The following SH3PXD2A variants were observed in gnomAD, a reference collection of about 807,000 sequenced individuals.
SH3PXD2A encodes SH3 and PX domains 2A, also known as SH3 and PX domain-containing protein 2A.
In SH3PXD2A, 32 loss-of-function variants were observed where a neutral mutation model predicts 115.2. That is an observed-to-expected ratio of 0.28 (90% CI 0.21 to 0.37). The LOEUF is 0.37. SH3PXD2A is among the 10% of genes least tolerant of loss of function. The probability of loss-of-function intolerance (pLI) is 1.00; values close to 1 mark genes in which losing one functional copy is unlikely to be tolerated. For missense variants in SH3PXD2A, 1,328 were observed against 1,498.7 expected, an observed-to-expected ratio of 0.89 and a Z score of 1.88; for synonymous variants, 610 against 629.1, an observed-to-expected ratio of 0.97 and a Z score of 0.45.
chr10:103,741,165 A>G (rs2038440287), intron 3 of SH3PXD2A, among the ~76,000 whole-genome samples: 1 of 152,224 alleles, frequency 6.6e-6, no homozygotes, highest in African/African-American at 2.4e-5. Flanking sequence ...GCAGCTGTGC[A>G]AAGCTCTGGA....
At chr10:103,776,413 AGT>A (rs1350933866) in intron 2 of SH3PXD2A, among the ~76,000 whole-genome samples, 2 of 140,678 alleles carry the variant, frequency 1.4e-5, no homozygotes, top group East Asian at 2.1e-4. Context: ...AAAAAAAAAA[AGT>A]GTGTGCATGC....
intron 5 of SH3PXD2A, 166 bp from the exon 6 acceptor site, chr10:103,693,222 G>T (rs1264016800): frequency 1.7e-5 from 3 of 175,158 alleles, no homozygotes; most frequent in Non-Finnish European, 3.4e-5. Context: ...CGCACTGCGC[G>T]CCGCGCCCGC....
Position 103,603,222 on chromosome 10 carries a change from A to G in SH3PXD2A, c.1996T>C (p.Ser666Pro), listed in dbSNP as rs754002774. Residue 666 changes from serine to proline, a missense_variant, in exon 15 of 15, where the codon TCA (serine) becomes CCA (proline). Around this residue, in one of 5 missense-constraint regions of SH3PXD2A, gnomAD observed 574 missense variants for 565.7 expected, o/e 1.01. Transcript: ENST00000369774. ...TCTGCCTTGAGCTTTAGGAGTGATGATGACTTGGGGGAGCCTGATTTGGGG... is the reference window on the plus strand; with the variant it reads ...TCTGCCTTGAGCTTTAGGAGTGATGGTGACTTGGGGGAGCCTGATTTGGGG... ...NSPKSGSPKSSSLLKLKAEKN... is the reference protein window; with the variant it reads ...NSPKSGSPKSPSLLKLKAEKN... 1 of 1,614,022 alleles carries G rather than the reference A, an allele frequency of 6.2e-7. No homozygotes were observed. The highest frequency in any genetic ancestry group is 8.5e-7 in the Non-Finnish European group (1 of 1,180,042).
chr10:103,641,040 C>T (rs947075074), intron 8 of SH3PXD2A, among the ~76,000 whole-genome samples: 1 of 152,150 alleles, frequency 6.6e-6, no homozygotes, highest in Non-Finnish European at 1.5e-5. Flanking sequence ...GACAGAGACA[C>T]AGTACTGGCA....
At chr10:103,607,977 A>T (rs1213957875) in intron 13 of SH3PXD2A, among the ~76,000 whole-genome samples, 1 of 150,738 alleles carries the variant, frequency 6.6e-6, no homozygotes, top group Non-Finnish European at 1.5e-5. Context: ...AGTCATCACC[A>T]CTCCCTAATC....
chr10:103,608,430 GAAAAAA>G lies in SH3PXD2A; in HGVS notation c.1309-2519_1309-2514del, dbSNP rs953168200. Among the ~76,000 whole-genome samples the G allele has an allele frequency of 1.1e-3, 90 of 85,328 alleles. 1 individual carries two copies. Among genetic ancestry groups the G allele is most frequent in the East Asian group, 1.3e-3 (4 of 3,200 alleles). The allele number at this position is 85,328 out of a possible 152,430, so 56.0% of individuals were successfully genotyped here. On this transcript the variant is annotated intron_variant, in intron 13 of 14. Transcript: ENST00000369774. Reference sequence around the variant, plus strand: ...AAATAAAGACACCATTCCATGTCAAGAAAAAAAAAAAAAAAAAAAAGAAAAATTGTG... The same window carrying G: ...AAATAAAGACACCATTCCATGTCAAGAAAAAAAAAAAAAAGAAAAATTGTG...
chr10:103,754,134 C>T (rs2038611804), intron 3 of SH3PXD2A: 1 of 152,216 alleles, frequency 6.6e-6, no homozygotes, highest in African/African-American at 2.4e-5. Context: ...AAGCTTAGGT[C>T]TGCAATGGTT....
intron 10 of SH3PXD2A, 24 bp from the exon 11 acceptor site, chr10:103,617,338 A>T (rs773910408): frequency 1.3e-6 from 2 of 1,538,418 alleles, no homozygotes; most frequent in Non-Finnish European, 1.8e-6. Flanking sequence ...CAAGCAAGCA[A>T]GATTATTTGA....
At chr10:103,624,191 G>T (rs1248582893) in intron 9 of SH3PXD2A, among the ~76,000 whole-genome samples, 1 of 152,244 alleles carries the variant, frequency 6.6e-6, no homozygotes, top group African/African-American at 2.4e-5. Context: ...GCCAAGCCCT[G>T]GGAAGAAGGG....
intron 5 of SH3PXD2A, among the ~76,000 whole-genome samples, chr10:103,693,985 C>T (rs2037794782): frequency 6.6e-6 from 1 of 152,218 alleles, no homozygotes; most frequent in African/African-American, 2.4e-5. Context: ...TTTCCCAAAT[C>T]CTGCCCTTGC....
intron 1 of SH3PXD2A, among the ~76,000 whole-genome samples, chr10:103,809,232 G>A (rs969551995): frequency 3.9e-5 from 6 of 152,192 alleles, no homozygotes; most frequent in Non-Finnish European, 7.3e-5. Flanking sequence ...ATGTAGTGGA[G>A]GGTGACCTCC....
At chr10:103,802,146 A>G (rs1311625712) in intron 1 of SH3PXD2A, among the ~76,000 whole-genome samples, 1 of 152,160 alleles carries the variant, frequency 6.6e-6, no homozygotes, top group Non-Finnish European at 1.5e-5. Flanking sequence ...TACACTTTTA[A>G]CAAACCCCAG....
chr10:103,633,110 C>T (rs1428142202), intron 8 of SH3PXD2A, among the ~76,000 whole-genome samples: 1 of 152,230 alleles, frequency 6.6e-6, no homozygotes, highest in Non-Finnish European at 1.5e-5. Flanking sequence ...CAAGCCCAGG[C>T]TGGTGAGGAT....
chr10:103,819,239 G>A (rs1488639340), intron 1 of SH3PXD2A, among the ~76,000 whole-genome samples: 2 of 152,226 alleles, frequency 1.3e-5, no homozygotes, highest in African/African-American at 4.8e-5. Flanking sequence ...ACAATGTGCT[G>A]TAAGGCTAGG....
In SH3PXD2A at chr10:103,620,815, A is replaced by AT. The variant is rs1472561012; in HGVS notation, c.802+1654dup. 6.6e-6 allele frequency among the ~76,000 whole-genome samples: 1 copy of AT among 152,234 alleles called. No individual in the cohort carries two copies. Among genetic ancestry groups the AT allele is most frequent in the East Asian group, 1.9e-4 (1 of 5,206 alleles). ...TTTCATTGCGTATTTGTGTCTCCAC[A>AT]TATCACTGTATGTCTGTGACTGGCA... On this transcript the variant is annotated intron_variant, in intron 10 of 14. Coordinates refer to ENST00000369774, the MANE Select transcript of SH3PXD2A (RefSeq NM_001394015.1). This position sits in a 1 kb window ranked among gnomAD's most constrained non-coding sequence, Gnocchi z 5.3.
Position 103,620,318 on chromosome 10 carries a change from G to A in SH3PXD2A, c.802+2152C>T, listed in dbSNP as rs895998351. On this transcript the variant is annotated intron_variant, in intron 10 of 14. Transcript: ENST00000369774. This position sits in a 1 kb window ranked among gnomAD's most constrained non-coding sequence, Gnocchi z 5.3. ...GGGAGGGCTGGCCAGGCGGTCAGCC[G>A]GGTGGGTGAGGGGGATAGGCCTGCT... Among the ~76,000 whole-genome samples the A allele has an allele frequency of 9.8e-5, 15 of 152,296 alleles. No individual in the cohort carries two copies. The highest frequency in any genetic ancestry group is 3.9e-4 in the East Asian group (2 of 5,182).
In SH3PXD2A at chr10:103,666,903, G is replaced by A. The variant is rs969214197; in HGVS notation, c.472+1705C>T. The stretch of plus-strand genomic sequence containing the variant: ...AGGAGAAGGGTGGGGAAGGGAGGCC[G>A]GGGGCTGTGTCCCTGCAACATGCCC... On this transcript the variant is annotated intron_variant, in intron 7 of 14. Transcript: ENST00000369774. This position sits in a 1 kb window ranked among gnomAD's most constrained non-coding sequence, Gnocchi z 4.5. Among the ~76,000 whole-genome samples the A allele has an allele frequency of 6.6e-6, 1 of 152,154 alleles. No homozygotes were observed. The highest frequency in any genetic ancestry group is 1.5e-5 in the Non-Finnish European group (1 of 68,024).
chr10:103,815,675 A>G (rs1589467393), intron 1 of SH3PXD2A, among the ~76,000 whole-genome samples: 1 of 151,558 alleles, frequency 6.6e-6, no homozygotes, highest in African/African-American at 2.4e-5. Context: ...CGGATCACGG[A>G]GTCAGGAGTT....
intron 1 of SH3PXD2A, among the ~76,000 whole-genome samples, chr10:103,849,530 G>A (rs543947990): frequency 2.0e-4 from 30 of 152,246 alleles, no homozygotes; most frequent in African/African-American, 7.0e-4. Flanking sequence ...ACTTGCCTGG[G>A]GGTTACCCAG....
Sources: allele counts gnomAD v4.1 joint callset (sites outside exome capture counted in the v4.1 genomes callset), GRCh38; gene constraint gnomAD v4.1.1; regional missense constraint gnomAD v4.1.1; non-coding constraint Gnocchi (gnomAD v3.1); transcripts MANE v1.5; gene names NCBI Gene and HGNC (gene_info 2026-07-23, HGNC 2026-07-21).